CCSER1: variants seen among roughly 807,000 people sequenced by gnomAD.
CCSER1 encodes serine-rich coiled-coil domain-containing protein 1.
In CCSER1, 41 loss-of-function variants were observed where a neutral mutation model predicts 82.0. That is an observed-to-expected ratio of 0.50 (90% CI 0.39 to 0.65). The LOEUF is 0.65. Among genes scored for constraint, CCSER1 ranks in the 30% least tolerant of loss-of-function variants. The probability of loss-of-function intolerance (pLI) is 0.00; values close to 1 mark genes in which losing one functional copy is unlikely to be tolerated. For synonymous variants in CCSER1, 414 were observed against 383.9 expected, an observed-to-expected ratio of 1.08 and a Z score of -0.92; for missense variants, 1,119 against 1,064.2, an observed-to-expected ratio of 1.05 and a Z score of -0.72.
chr4:90,412,642 T>C (rs959597550), intron 4 of CCSER1, among the ~76,000 whole-genome samples: 20 of 151,614 alleles, frequency 1.3e-4, no homozygotes, highest in African/African-American at 4.6e-4. Flanking sequence ...CAAAACAGAA[T>C]TAAAAACACA....
chr4:91,006,432 CA>C (rs912971974), intron 9 of CCSER1, among the ~76,000 whole-genome samples: 7 of 149,370 alleles, frequency 4.7e-5, no homozygotes, highest in Non-Finnish European at 8.9e-5. Context: ...ATGTCATCTG[CA>C]AAAAAAAGAT....
At chr4:91,146,598 C>T (rs1161374752) in intron 10 of CCSER1, among the ~76,000 whole-genome samples, 2 of 149,458 alleles carry the variant, frequency 1.3e-5, no homozygotes, top group African/African-American at 4.9e-5. Context: ...TTTGAAATTG[C>T]TGTTGTTTGT....
chr4:90,491,535 C>T (rs2153605013), intron 5 of CCSER1, among the ~76,000 whole-genome samples: 1 of 152,196 alleles, frequency 6.6e-6, no homozygotes, highest in Admixed American at 6.5e-5. Context: ...TTGCCCTGGC[C>T]AGAACTTCCA....
chr4:91,185,897 A>G lies in CCSER1; in HGVS notation c.2217+99903A>G, dbSNP rs565980990. Among the ~76,000 whole-genome samples the G allele has an allele frequency of 1.6e-3, 246 of 152,296 alleles. 1 individual carries two copies. The highest frequency in any genetic ancestry group is 5.7e-3 in the African/African-American group (239 of 41,572). ...GTACTAGCCAAGTAGCTTTATGCAGATTACCTCTGATACCATCACAGGCCT... is the reference window on the plus strand; with the variant it reads ...GTACTAGCCAAGTAGCTTTATGCAGGTTACCTCTGATACCATCACAGGCCT... On this transcript the variant is annotated intron_variant, in intron 10 of 10. Transcript: ENST00000509176.
intron 10 of CCSER1, among the ~76,000 whole-genome samples, chr4:91,226,334 G>A (rs372947192): frequency 5.8e-4 from 88 of 151,964 alleles, no homozygotes; most frequent in African/African-American, 2.0e-3. Flanking sequence ...TATTACATTT[G>A]AATTTCTAAG....
intron 1 of CCSER1, among the ~76,000 whole-genome samples, chr4:90,220,450 C>T (rs570709722): frequency 6.0e-5 from 9 of 151,176 alleles, no homozygotes; most frequent in Middle Eastern, 3.4e-3. Flanking sequence ...ATATATATTT[C>T]TTTTTGATTT....
chr4:91,197,989 G>A (rs972079526), intron 10 of CCSER1, among the ~76,000 whole-genome samples: 2 of 151,866 alleles, frequency 1.3e-5, no homozygotes, highest in African/African-American at 4.8e-5. Context: ...CTTAAAAATG[G>A]ACGTTAAAGA....
At chr4:90,892,402 G>T (rs1723091700) in intron 8 of CCSER1, among the ~76,000 whole-genome samples, 1 of 151,806 alleles carries the variant, frequency 6.6e-6, no homozygotes, top group South Asian at 2.1e-4. Context: ...GAAGGATTTT[G>T]CTTATTTGCC....
At chr4:90,252,575 A>G (rs1265308736) in intron 1 of CCSER1, among the ~76,000 whole-genome samples, 1 of 151,852 alleles carries the variant, frequency 6.6e-6, no homozygotes, top group Admixed American at 6.6e-5. Context: ...TAATAATCAC[A>G]TCATGGAAAA....
chr4:91,288,759 G>C (rs1263113799), intron 10 of CCSER1, among the ~76,000 whole-genome samples: 2 of 151,982 alleles, frequency 1.3e-5, no homozygotes, highest in African/African-American at 4.8e-5. Flanking sequence ...TTGCAGCTAG[G>C]GGAAGGGAGC....
chr4:91,295,390 G>C (rs1224285377), intron 10 of CCSER1, among the ~76,000 whole-genome samples: 1 of 151,794 alleles, frequency 6.6e-6, no homozygotes, highest in Non-Finnish European at 1.5e-5. Flanking sequence ...TGTTTGTAAA[G>C]AGGCAAAATT....
intron 1 of CCSER1, among the ~76,000 whole-genome samples, chr4:90,299,308 G>A (rs568413925): frequency 3.6e-4 from 54 of 151,936 alleles, no homozygotes; most frequent in African/African-American, 9.6e-4. Context: ...ACCATGTTTT[G>A]TGTCAATTCA....
intron 3 of CCSER1, among the ~76,000 whole-genome samples, chr4:90,332,253 AG>A (rs772379425): frequency 1.3e-5 from 2 of 150,164 alleles, no homozygotes; most frequent in African/African-American, 2.4e-5. Context: ...TTTGAGATGG[AG>A]TTTTTTTTTT....
intron 7 of CCSER1, among the ~76,000 whole-genome samples, chr4:90,749,940 C>T (rs916720580): frequency 3.9e-5 from 6 of 152,010 alleles, no homozygotes; most frequent in African/African-American, 1.4e-4. Context: ...TCTCGACATC[C>T]TCTCCAGCAC....
intron 10 of CCSER1, among the ~76,000 whole-genome samples, chr4:91,095,206 G>A (rs2148835939): frequency 6.6e-6 from 1 of 152,296 alleles, no homozygotes; most frequent in African/African-American, 2.4e-5. Context: ...CCTTCGAACA[G>A]ATTGAACAAA....
At chr4:90,511,293 C>T (rs1771463343) in intron 5 of CCSER1, among the ~76,000 whole-genome samples, 1 of 152,100 alleles carries the variant, frequency 6.6e-6, no homozygotes, top group African/African-American at 2.4e-5. Context: ...TGGCACACAC[C>T]TGTAGTCCCA....
chr4:91,330,948 C>T (rs1746907200), intron 10 of CCSER1, among the ~76,000 whole-genome samples: 3 of 152,114 alleles, frequency 2.0e-5, no homozygotes, highest in Admixed American at 6.6e-5. Context: ...CTTTGTTCAG[C>T]CTGGGACATG....
At chr4:91,500,014 C>T (rs968475175) in intron 10 of CCSER1, among the ~76,000 whole-genome samples, 3 of 151,958 alleles carry the variant, frequency 2.0e-5, no homozygotes, top group Middle Eastern at 3.2e-3. Flanking sequence ...TAAACCTTAT[C>T]GTAAGAGTAT....
chr4:91,450,929 A>C (rs1487261823), intron 10 of CCSER1, among the ~76,000 whole-genome samples: 1 of 152,076 alleles, frequency 6.6e-6, no homozygotes, highest in Non-Finnish European at 1.5e-5. Flanking sequence ...CATCAGGCAA[A>C]AGGGTCATTT....
Sources: allele counts gnomAD v4.1 joint callset (sites outside exome capture counted in the v4.1 genomes callset), GRCh38; gene constraint gnomAD v4.1.1; transcripts MANE v1.5; gene names NCBI Gene and HGNC (gene_info 2026-07-23, HGNC 2026-07-21).